Variants in PHTF1 observed in about 807,000 individuals in gnomAD.
PHTF1 encodes putative homeodomain transcription factor 1.
Under a neutral mutation model 102.4 loss-of-function variants are expected in PHTF1, and 88 were observed. The ratio of observed to expected loss-of-function variants is 0.86; its 90% CI spans 0.72 to 1.03. The LOEUF (loss-of-function observed/expected upper bound fraction) is 1.03. Ranked by LOEUF, PHTF1 falls within the 50% of genes least tolerant of loss-of-function variation. PHTF1 has a pLI of 0.00. For missense variants in PHTF1, 814 were observed against 909.5 expected (o/e 0.89, Z 1.35); for synonymous variants, 289 against 305.2 (o/e 0.95, Z 0.55).
rs770112165 is a variant in PHTF1, at chr1:113,713,294, T to C, written c.768A>G (p.Gly256=). 1.6e-5 allele frequency: 26 copies of C among 1,613,844 alleles called. No individual in the cohort carries two copies. The highest frequency in any genetic ancestry group is 2.2e-5 in the Non-Finnish European group (26 of 1,179,852). ...QTREKAKFSD[G]EKCRREAFRR... Reference sequence around the variant, plus strand: ...TAAATCTTACCCTACGGCACTTTTCTCCATCTGAAAATTTTGCTTTCTCTC... The same window carrying C: ...TAAATCTTACCCTACGGCACTTTTCCCCATCTGAAAATTTTGCTTTCTCTC... Residue 256 remains glycine (G), a synonymous_variant, in exon 8 of 19, where the codon GGA becomes GGG. Coordinates refer to ENST00000369604, the MANE Select transcript of PHTF1 (RefSeq NM_001323043.2).
rs374989261 is a variant in PHTF1, at chr1:113,738,210, C to A, written c.231G>T (p.Gly77=). The A allele has an allele frequency of 1.2e-6, 2 of 1,613,448 alleles. No homozygotes were observed. Among genetic ancestry groups the A allele is most frequent in the Non-Finnish European group, 1.7e-6 (2 of 1,179,378 alleles). Residue 77 remains glycine, a synonymous_variant, in exon 5 of 19, where the codon GGG becomes GGT. Coordinates refer to ENST00000369604, the MANE Select transcript of PHTF1 (RefSeq NM_001323043.2). Reference sequence around the variant, plus strand: ...ATGGAAAAAATACAACTCGAACAAGCCCCTTCCGAGTCAGAGATGTCCATG... The same window carrying A: ...ATGGAAAAAATACAACTCGAACAAGACCCTTCCGAGTCAGAGATGTCCATG... ...EIPWTSLTRK[G]LVRVVFFPLF...
chr1:113,753,130 T>C (rs1408730609), intron 3 of PHTF1, among the ~76,000 whole-genome samples: 1 of 152,264 alleles, frequency 6.6e-6, no homozygotes, highest in African/African-American at 2.4e-5. Context: ...CACTTGGTCA[T>C]AGTAGATAAG....
intron 5 of PHTF1, among the ~76,000 whole-genome samples, chr1:113,734,499 G>A (rs1655179654): frequency 6.6e-6 from 1 of 152,208 alleles, no homozygotes; most frequent in Non-Finnish European, 1.5e-5. Flanking sequence ...TGTATTTGTG[G>A]TCTAGGATTC....
intron 3 of PHTF1, among the ~76,000 whole-genome samples, chr1:113,749,176 CT>C (rs1217012120): frequency 6.6e-6 from 1 of 152,174 alleles, no homozygotes; most frequent in Non-Finnish European, 1.5e-5. Flanking sequence ...GTAATTATAT[CT>C]TTAAAAACAC....
At chr1:113,755,651 G>C (rs537935001) in intron 3 of PHTF1, among the ~76,000 whole-genome samples, 32 of 152,180 alleles carry the variant, frequency 2.1e-4, no homozygotes, top group Admixed American at 7.2e-4. Flanking sequence ...CTAAGAGTAG[G>C]AAACAAACAC....
At chr1:113,758,231 CAAAAAAAAAA>C (rs1162537319) in intron 2 of PHTF1, among the ~76,000 whole-genome samples, 5 of 58,212 alleles carry the variant, frequency 8.6e-5, no homozygotes, top group Non-Finnish European at 1.6e-4. Context: ...AACTCCGTCT[CAAAAAAAAAA>C]AAAAAAAAAA....
At chr1:113,711,301 C>T (rs577680001) in intron 10 of PHTF1, among the ~76,000 whole-genome samples, 4 of 152,286 alleles carry the variant, frequency 2.6e-5, no homozygotes, top group Non-Finnish European at 4.4e-5. Context: ...AACCACACCA[C>T]CACCATCTAC....
rs780129536 is a variant in PHTF1 at position 113,705,936 on chromosome 1, CAAGT to C, written c.1621_1624del (p.Thr541GlyfsTer6). The C allele has an allele frequency of 9.9e-6, 16 of 1,613,908 alleles. No individual in the cohort carries two copies. The highest frequency in any genetic ancestry group is 1.3e-5 in the Non-Finnish European group (15 of 1,179,916). On this transcript the variant is annotated frameshift_variant, in exon 13 of 19. Coordinates refer to ENST00000369604, the MANE Select transcript of PHTF1 (RefSeq NM_001323043.2). LOFTEE classifies it high-confidence loss of function. Reference sequence around the variant, plus strand: ...CACACACATCATGAAAAAAAACATCCAAGTAAGACACAATCTTTCAAAAAAATTA... The same window carrying C: ...CACACACATCATGAAAAAAAACATCCAAGACACAATCTTTCAAAAAAATTA...
At chr1:113,701,826 TAAAAAAAAAAAAAAAAAAAAAA>T (rs34844793) in intron 15 of PHTF1, among the ~76,000 whole-genome samples, 1 of 27,986 alleles carries the variant, frequency 3.6e-5, no homozygotes, top group Non-Finnish European at 6.6e-5. Flanking sequence ...CAATTCCTGG[TAAAAAAAAAAAAAAAAAAAAAA>T]AAAAAAAAAA....
chr1:113,707,145 A>G (rs531810216), intron 11 of PHTF1, among the ~76,000 whole-genome samples: 33 of 152,232 alleles, frequency 2.2e-4, no homozygotes, highest in African/African-American at 7.2e-4. Context: ...TAGTGTAGTC[A>G]TGGGCTATTA....
intron 5 of PHTF1, among the ~76,000 whole-genome samples, chr1:113,733,431 C>T (rs999113041): frequency 6.6e-6 from 1 of 151,940 alleles, no homozygotes; most frequent in Non-Finnish European, 1.5e-5. Context: ...TAATAAAAAA[C>T]ACATAGAAAC....
intron 7 of PHTF1, among the ~76,000 whole-genome samples, chr1:113,721,511 A>T (rs1307906975): frequency 1.3e-5 from 2 of 152,224 alleles, no homozygotes; most frequent in African/African-American, 4.8e-5. Context: ...TAGCTAGAGC[A>T]ATCAGACAAG....
rs746712838 is a variant in PHTF1 at position 113,710,489 on chromosome 1, CA to C, written c.1048-15del. ...CGATCTAGAGCCCTTTAAAGGAAAACAAAAAGCAAAAAATGTTATTCATCTT... is the reference window on the plus strand; with the variant it reads ...CGATCTAGAGCCCTTTAAAGGAAAACAAAAGCAAAAAATGTTATTCATCTT... On this transcript the variant is annotated splice_polypyrimidine_tract_variant and intron_variant, in intron 10 of 18. Coordinates refer to ENST00000369604, the MANE Select transcript of PHTF1 (RefSeq NM_001323043.2). 27 of 1,563,584 alleles carry C rather than the reference CA, an allele frequency of 1.7e-5. No homozygotes were observed. In the African/African-American group the frequency reaches 3.7e-4, roughly 22 times the overall value.
chr1:113,730,489 G>C (rs1026064872), intron 5 of PHTF1, among the ~76,000 whole-genome samples: 7 of 152,172 alleles, frequency 4.6e-5, no homozygotes, highest in Admixed American at 3.9e-4. Context: ...TTGGGTGAAA[G>C]TAAATGAAAT....
intron 7 of PHTF1, among the ~76,000 whole-genome samples, chr1:113,720,994 T>G (rs1370274895): frequency 1.3e-5 from 2 of 152,196 alleles, no homozygotes; most frequent in Non-Finnish European, 2.9e-5. Flanking sequence ...TGGTCCCAGC[T>G]ACATGGGGGA....
intron 5 of PHTF1, among the ~76,000 whole-genome samples, chr1:113,732,043 T>C (rs944048135): frequency 6.6e-6 from 1 of 152,156 alleles, no homozygotes; most frequent in Non-Finnish European, 1.5e-5. Flanking sequence ...CATTTGTGTA[T>C]GTGTGCTGGG....
At position 113,704,234 on chromosome 1, in the gene PHTF1, A is replaced by T. The variant is rs1444919302; in HGVS notation, c.1804-67T>A. The T allele has an allele frequency of 6.8e-5, 58 of 858,264 alleles. 1 individual carries two copies. The highest frequency in any genetic ancestry group is 3.9e-6 in the Non-Finnish European group (2 of 516,840). 53.2% of individuals were successfully genotyped at this position (858,264 alleles called of 1,614,324 possible). On this transcript the variant is annotated intron_variant, in intron 14 of 18. Transcript: ENST00000369604. Reference sequence around the variant, plus strand: ...AGACAGCAACCGCCCTCACATTATTAACACTCTGAATTGTACTACATTCGT... The same window carrying T: ...AGACAGCAACCGCCCTCACATTATTTACACTCTGAATTGTACTACATTCGT...
chr1:113,710,291 C>A lies in PHTF1; in HGVS notation c.1232G>T (p.Gly411Val), dbSNP rs759006715. The change falls in exon 11 of 19, where the codon GGG becomes GTG. Residue 411 changes from glycine (G) to valine (V), a missense_variant. Transcript: ENST00000369604. ...EGAHVNTLHS[G>V]TKRDPKEDVF... ...ATCCTCTTTGGGGTCACGTTTGGTC[C>A]CTGAGTGAAGGGTATTCACATGGGC... The A allele has an allele frequency of 1.2e-6, 2 of 1,613,836 alleles. No homozygotes were observed. The highest frequency in any genetic ancestry group is 2.7e-5 in the African/African-American group (2 of 75,024).
chr1:113,732,059 G>A (rs555026868), intron 5 of PHTF1, among the ~76,000 whole-genome samples: 33 of 152,144 alleles, frequency 2.2e-4, no homozygotes, highest in Middle Eastern at 3.2e-3. Flanking sequence ...CTGGGGAAAG[G>A]GGATAATCAG....
Sources: gnomAD v4.1 joint callset for allele counts (sites outside exome capture counted in the v4.1 genomes callset) on GRCh38, gnomAD v4.1.1 for gene constraint, MANE v1.5 for transcripts, NCBI Gene and HGNC (gene_info 2026-07-23, HGNC 2026-07-21) for gene names.